The following ARK2N variants were observed in gnomAD, a reference collection of about 807,000 sequenced individuals.
ARK2N encodes arkadia (RNF111) N-terminal like PKA signaling regulator 2N, also known as protein ARK2N.
the ARK2N span, among the ~76,000 whole-genome samples, chr18:46,198,230 A>AC: frequency 1.4e-5 from 2 of 146,750 alleles, no homozygotes; most frequent in South Asian, 4.3e-4. Context: ...AATCACTTGA[A>AC]CCCGGGAGGT....
chr18:46,220,957 G>A, the ARK2N span, among the ~76,000 whole-genome samples: 2 of 152,228 alleles, frequency 1.3e-5, no homozygotes, highest in African/African-American at 4.8e-5. Context: ...TGAACTTGGT[G>A]AAACCTCATC....
chr18:46,204,078 G>A, the ARK2N span, among the ~76,000 whole-genome samples: 4 of 151,306 alleles, frequency 2.6e-5, no homozygotes, highest in Admixed American at 6.6e-5. Flanking sequence ...TCTGTAGTAT[G>A]TGTCTTATAG....
At chr18:46,174,632 C>G in the ARK2N span, among the ~76,000 whole-genome samples, 1 of 152,160 alleles carries the variant, frequency 6.6e-6, no homozygotes. Context: ...CCCCCAGACG[C>G]TGGGGCCGGG....
the ARK2N span, among the ~76,000 whole-genome samples, chr18:46,225,018 A>T: frequency 1.3e-3 from 191 of 152,356 alleles, 1 homozygote; most frequent in African/African-American, 4.1e-3. Context: ...GGAACTGCAC[A>T]GGCAGTGGCC....
At chr18:46,213,481 G>A in the ARK2N span, among the ~76,000 whole-genome samples, 228 of 151,878 alleles carry the variant, frequency 1.5e-3, no homozygotes, top group African/African-American at 5.2e-3. Flanking sequence ...ATTTTATTTC[G>A]TGTTTGTATT....
the ARK2N span, among the ~76,000 whole-genome samples, chr18:46,177,112 T>G: frequency 6.6e-6 from 1 of 152,200 alleles, no homozygotes; most frequent in Non-Finnish European, 1.5e-5. Flanking sequence ...TTCTGTTATT[T>G]TAGGAAAGAG....
At chr18:46,201,933 A>G in the ARK2N span, among the ~76,000 whole-genome samples, 3 of 151,740 alleles carry the variant, frequency 2.0e-5, no homozygotes, top group Non-Finnish European at 4.4e-5. Context: ...GGGCGCCATT[A>G]CGCCTGGCTA....
At chr18:46,201,776 T>C in the ARK2N span, among the ~76,000 whole-genome samples, 1 of 141,678 alleles carries the variant, frequency 7.1e-6, no homozygotes, top group Non-Finnish European at 1.5e-5. Context: ...TTTCTTTTCT[T>C]TTCTTTTTTT....
the ARK2N span, among the ~76,000 whole-genome samples, chr18:46,227,284 C>T: frequency 6.6e-6 from 1 of 152,080 alleles, no homozygotes; most frequent in African/African-American, 2.4e-5. Context: ...TCAAGATCTT[C>T]GATGTCTCAA....
At chr18:46,249,991 GC>G in the ARK2N span, among the ~76,000 whole-genome samples, 1 of 147,958 alleles carries the variant, frequency 6.8e-6, no homozygotes, top group Non-Finnish European at 1.5e-5. Flanking sequence ...CTAATTCCCC[GC>G]CCCCCTCGCC....
At chr18:46,190,290 C>T in the ARK2N span, among the ~76,000 whole-genome samples, 2 of 151,934 alleles carry the variant, frequency 1.3e-5, no homozygotes, top group African/African-American at 2.4e-5. Context: ...GAGGCCGAGG[C>T]GGGTGGATCA....
At chr18:46,218,648 A>G in the ARK2N span, 1 of 152,218 alleles carries the variant, frequency 6.6e-6, no homozygotes, top group African/African-American at 2.4e-5. Flanking sequence ...AAAAATTGTG[A>G]CATTGTGAAT....
chr18:46,234,918 A>G, the ARK2N span, among the ~76,000 whole-genome samples: 2 of 152,266 alleles, frequency 1.3e-5, no homozygotes, highest in Non-Finnish European at 2.9e-5. Context: ...TCTACGCTTT[A>G]TTGTATATTA....
At chr18:46,242,920 T>G in the ARK2N span, among the ~76,000 whole-genome samples, 3 of 152,198 alleles carry the variant, frequency 2.0e-5, no homozygotes, top group Non-Finnish European at 4.4e-5. Context: ...TTTTGGTATA[T>G]GTATATGATA....
the ARK2N span, among the ~76,000 whole-genome samples, chr18:46,237,997 A>G: frequency 6.6e-6 from 1 of 152,258 alleles, no homozygotes; most frequent in South Asian, 2.1e-4. Context: ...GAAATATGGA[A>G]GAAACAAGAA....
chr18:46,198,346 T>G, the ARK2N span, among the ~76,000 whole-genome samples: 1 of 151,294 alleles, frequency 6.6e-6, no homozygotes, highest in African/African-American at 2.4e-5. Context: ...AGCTTGACTC[T>G]TTTTTAAATT....
At chr18:46,232,527 A>G in the ARK2N span, 1 of 152,182 alleles carries the variant, frequency 6.6e-6, no homozygotes, top group Admixed American at 6.5e-5. Flanking sequence ...GATAAAAAAC[A>G]TGTCATTTTA....
the ARK2N span, among the ~76,000 whole-genome samples, chr18:46,230,856 C>A: frequency 1.3e-5 from 2 of 152,226 alleles, 1 homozygote; most frequent in Admixed American, 1.3e-4. Context: ...TTTAGTGTTT[C>A]TTTTTAGTTG....
chr18:46,173,590 G>C, the ARK2N span: 4 of 152,300 alleles, frequency 2.6e-5, no homozygotes, highest in Admixed American at 1.3e-4. Flanking sequence ...GCTCAGCCGA[G>C]TCTCCCCGAG....
Sources: gnomAD v4.1 joint callset for allele counts (sites outside exome capture counted in the v4.1 genomes callset) on GRCh38, gnomAD v4.1.1 for gene constraint, MANE v1.5 for transcripts, NCBI Gene and HGNC (gene_info 2026-07-23, HGNC 2026-07-21) for gene names.